The following PDE4D variants were observed in gnomAD, a reference collection of about 807,000 sequenced individuals.
PDE4D encodes phosphodiesterase 4D, also known as 3',5'-cyclic-AMP phosphodiesterase 4D.
A neutral mutation model predicts 87.4 loss-of-function variants in PDE4D; 24 were observed. The observed-to-expected ratio is 0.27, with a 90% CI of 0.20 to 0.39. The LOEUF (loss-of-function observed/expected upper bound fraction) is 0.39, where lower values mean the gene tolerates loss of function less well. PDE4D is among the 10% of genes least tolerant of loss of function. PDE4D has a pLI of 1.00. For synonymous variants in PDE4D, 384 were observed against 383.2 expected (o/e 1.00, Z -0.02); for missense variants, 714 against 1,041.0 (o/e 0.69, Z 4.32).
intron 1 of PDE4D, among the ~76,000 whole-genome samples, chr5:59,261,050 T>C (rs534878646): frequency 3.1e-4 from 47 of 151,828 alleles, no homozygotes; most frequent in Non-Finnish European, 4.9e-4. Context: ...AATGGTATAG[T>C]AGTCCAGATG....
chr5:59,120,696 A>G (rs1467774715), intron 5 of PDE4D, among the ~76,000 whole-genome samples: 1 of 151,276 alleles, frequency 6.6e-6, no homozygotes, highest in Non-Finnish European at 1.5e-5. Flanking sequence ...CTATGGAACC[A>G]AAAAAAAAGC....
At chr5:60,304,562 G>A (rs1300930581) in intron 1 of PDE4D, among the ~76,000 whole-genome samples, 13 of 150,074 alleles carry the variant, frequency 8.7e-5, no homozygotes, top group African/African-American at 3.2e-4. Context: ...GGAGAATGGC[G>A]TGAACCCGGG....
chr5:59,133,630 C>T (rs1028046159), intron 5 of PDE4D, among the ~76,000 whole-genome samples: 4 of 152,202 alleles, frequency 2.6e-5, no homozygotes, highest in African/African-American at 7.2e-5. Flanking sequence ...GCTCTGCCCA[C>T]CCTACCCCTT....
chr5:60,125,513 C>T (rs1779054678), intron 2 of PDE4D, among the ~76,000 whole-genome samples: 2 of 152,108 alleles, frequency 1.3e-5, no homozygotes, highest in South Asian at 4.1e-4. Flanking sequence ...CACCCATCTT[C>T]CAGAGGTTGT....
At chr5:59,571,534 C>G (rs1217436689) in intron 1 of PDE4D, among the ~76,000 whole-genome samples, 1 of 152,182 alleles carries the variant, frequency 6.6e-6, no homozygotes, top group African/African-American at 2.4e-5. Context: ...AGTGTTACTG[C>G]TTTCAAAGTT....
At chr5:59,261,768 T>A (rs1762046338) in intron 1 of PDE4D, among the ~76,000 whole-genome samples, 1 of 151,810 alleles carries the variant, frequency 6.6e-6, no homozygotes, top group Non-Finnish European at 1.5e-5. Flanking sequence ...TTAAAATTTA[T>A]TTAAATAAAA....
chr5:60,178,032 T>C (rs887402092), intron 2 of PDE4D, among the ~76,000 whole-genome samples: 1 of 152,208 alleles, frequency 6.6e-6, no homozygotes, highest in African/African-American at 2.4e-5. Context: ...CTAAAATGTT[T>C]AAATGTTTTA....
At chr5:59,316,191 G>A (rs189509368) in intron 1 of PDE4D, among the ~76,000 whole-genome samples, 1 of 152,138 alleles carries the variant, frequency 6.6e-6, no homozygotes, top group African/African-American at 2.4e-5. Flanking sequence ...AACAAGCTAT[G>A]GGGCTTTGCA....
intron 5 of PDE4D, among the ~76,000 whole-genome samples, chr5:59,102,367 T>A (rs540215699): frequency 1.3e-5 from 2 of 152,286 alleles, no homozygotes; most frequent in South Asian, 4.1e-4. Context: ...GTTACAGGCA[T>A]GAGCCATCGC....
At chr5:59,489,687 AT>A (rs1805833363) in intron 1 of PDE4D, among the ~76,000 whole-genome samples, 1 of 152,148 alleles carries the variant, frequency 6.6e-6, no homozygotes, top group Admixed American at 6.5e-5. Flanking sequence ...AAGAATCCTT[AT>A]TTGTTTCCTT....
intron 1 of PDE4D, among the ~76,000 whole-genome samples, chr5:59,679,559 T>G (rs1234058132): frequency 6.6e-6 from 1 of 152,152 alleles, no homozygotes; most frequent in Non-Finnish European, 1.5e-5. Flanking sequence ...CACAAAGAGA[T>G]AAATGACAGT....
At position 58,994,505 on chromosome 5, in the gene PDE4D, A is replaced by C. The variant is rs564885418; in HGVS notation, c.922-1040T>G. On this transcript the variant is annotated intron_variant, in intron 6 of 14. Transcript: ENST00000340635. ...TAACTGCTATTAGATACTTGACAAA[A>C]AAAAGTCAGATGCATTTACTCTAAT... 2.6e-4 allele frequency among the ~76,000 whole-genome samples: 40 copies of C among 152,310 alleles called. 1 individual carries two copies. The South Asian group carries it at 7.3e-3, about 28-fold the overall frequency.
chr5:59,496,589 C>G (rs1807244500), intron 1 of PDE4D, among the ~76,000 whole-genome samples: 1 of 152,142 alleles, frequency 6.6e-6, no homozygotes, highest in Non-Finnish European at 1.5e-5. Context: ...ACCCACTCCC[C>G]TAGAAATCTA....
intron 1 of PDE4D, among the ~76,000 whole-genome samples, chr5:59,266,138 T>A (rs997111768): frequency 6.6e-6 from 1 of 151,982 alleles, no homozygotes; most frequent in African/African-American, 2.4e-5. Flanking sequence ...GGTGTATGCC[T>A]GTAGTCCCAG....
intron 1 of PDE4D, among the ~76,000 whole-genome samples, chr5:59,630,652 T>C (rs1579993421): frequency 6.6e-6 from 1 of 152,292 alleles, no homozygotes; most frequent in East Asian, 1.9e-4. Context: ...GTTCTAAATA[T>C]GGCCTGACTC....
At chr5:59,098,569 T>TG (rs1194136676) in intron 5 of PDE4D, among the ~76,000 whole-genome samples, 8 of 150,862 alleles carry the variant, frequency 5.3e-5, no homozygotes, top group Non-Finnish European at 1.2e-4. Context: ...CTGGGTATGG[T>TG]GGCATGCACC....
intron 1 of PDE4D, among the ~76,000 whole-genome samples, chr5:59,325,851 GA>G (rs1222160955): frequency 6.6e-6 from 1 of 150,522 alleles, no homozygotes. Flanking sequence ...GTCTACTCTA[GA>G]TTTTTTTTTT....
intron 1 of PDE4D, among the ~76,000 whole-genome samples, chr5:59,407,032 G>A (rs77042255): frequency 1.1e-4 from 16 of 152,218 alleles, no homozygotes; most frequent in Non-Finnish European, 2.1e-4. Flanking sequence ...TGATTTAACT[G>A]GACTTGTAGA....
Position 59,156,331 on chromosome 5 carries a change from ATGTGTGTGTGTGTGTGTG to A in PDE4D, c.808+24246_808+24263del, listed in dbSNP as rs60467130. On this transcript the variant is annotated intron_variant, in intron 5 of 14. Coordinates refer to ENST00000340635, the MANE Select transcript of PDE4D (RefSeq NM_001104631.2). ...CCAGAAAAAAAAAAAATATATATATATGTGTGTGTGTGTGTGTGTGTGTGTGTGTGTGTGTGTGTGTGT... is the reference window on the plus strand; with the variant it reads ...CCAGAAAAAAAAAAAATATATATATATGTGTGTGTGTGTGTGTGTGTGTGT... Among the ~76,000 whole-genome samples the A allele has an allele frequency of 2.0e-3, 245 of 122,756 alleles. 2 individuals carry two copies. The highest frequency in any genetic ancestry group is 9.9e-3 in the South Asian group (39 of 3,936). 80.5% of individuals were successfully genotyped at this position (122,756 alleles called of 152,430 possible). A position where few individuals can be genotyped will look rare whatever the true frequency, so the allele number is the denominator to read the frequency against.
Sources: gnomAD v4.1 joint callset for allele counts (sites outside exome capture counted in the v4.1 genomes callset) on GRCh38, gnomAD v4.1.1 for gene constraint, MANE v1.5 for transcripts, NCBI Gene and HGNC (gene_info 2026-07-23, HGNC 2026-07-21) for gene names.